The following TBC1D8 variants were observed in gnomAD, a reference collection of about 807,000 sequenced individuals.
TBC1D8 encodes the protein TBC1 domain family member 8.
TBC1D8 carries 65 observed loss-of-function variants against 118.8 expected under a neutral mutation model. That is an observed-to-expected ratio of 0.55 (90% CI 0.45 to 0.67). The LOEUF (loss-of-function observed/expected upper bound fraction) is 0.67. Ranked by LOEUF, TBC1D8 falls within the 30% of genes least tolerant of loss-of-function variation. The pLI, the probability that TBC1D8 is intolerant of heterozygous loss-of-function variation, is 0.00. For synonymous variants in TBC1D8, 566 were observed against 595.8 expected (o/e 0.95, Z 0.73); for missense variants, 1,376 against 1,471.2 (o/e 0.94, Z 1.06).
intron 1 of TBC1D8, among the ~76,000 whole-genome samples, chr2:101,138,364 C>G (rs934567912): frequency 6.6e-6 from 1 of 152,172 alleles, no homozygotes; most frequent in Non-Finnish European, 1.5e-5. Context: ...GGAGTTTTCC[C>G]ATACCAACCA....
rs13430503 is a variant in TBC1D8, at chr2:101,078,340, T to A, written c.283+11869A>T. On this transcript the variant is annotated intron_variant, in intron 2 of 19. Transcript: ENST00000409318. ...AAGAGACTTTAGAAACACAACCAAA[T>A]GGGTGTGCAGTTCTAGTTAGCTATG... 5.9e-3 allele frequency among the ~76,000 whole-genome samples: 905 copies of A among 152,230 alleles called. 11 individuals carry two copies. Among genetic ancestry groups the A allele is most frequent in the African/African-American group, 0.02 (836 of 41,516 alleles).
At chr2:101,134,324 A>G (rs1480911342) in intron 1 of TBC1D8, among the ~76,000 whole-genome samples, 1 of 152,058 alleles carries the variant, frequency 6.6e-6, no homozygotes, top group East Asian at 1.9e-4. Flanking sequence ...AGGCACCATC[A>G]ATACTAATCA....
intron 1 of TBC1D8, among the ~76,000 whole-genome samples, chr2:101,096,428 A>C (rs2105464050): frequency 6.8e-6 from 1 of 146,418 alleles, no homozygotes; most frequent in African/African-American, 2.6e-5. Flanking sequence ...ACAAAAAAAA[A>C]AAAAAAAAAA....
intron 19 of TBC1D8, among the ~76,000 whole-genome samples, chr2:101,010,606 C>T (rs185849347): frequency 6.8e-6 from 1 of 147,484 alleles, no homozygotes; most frequent in African/African-American, 2.5e-5. Context: ...AATTCTCGGT[C>T]GGGCGCGGTG....
At chr2:101,103,018 G>A (rs1318524789) in intron 1 of TBC1D8, among the ~76,000 whole-genome samples, 1 of 152,086 alleles carries the variant, frequency 6.6e-6, no homozygotes, top group Non-Finnish European at 1.5e-5. Context: ...ACAGTAAGGA[G>A]GCCAACGTTC....
intron 1 of TBC1D8, among the ~76,000 whole-genome samples, chr2:101,127,337 G>GAAA (rs529661320): frequency 8.2e-6 from 1 of 122,672 alleles, no homozygotes; most frequent in African/African-American, 3.0e-5. Flanking sequence ...CTTCATCTCA[G>GAAA]AAAAAAAAAA....
chr2:101,118,696 CAA>C (rs36069912), intron 1 of TBC1D8, among the ~76,000 whole-genome samples: 24 of 80,530 alleles, frequency 3.0e-4, no homozygotes, highest in Non-Finnish European at 1.7e-4. Flanking sequence ...AACTCCATCT[CAA>C]AAAAAAAAAA....
At chr2:101,056,043 T>C (rs1342330004) in intron 3 of TBC1D8, among the ~76,000 whole-genome samples, 3 of 105,716 alleles carry the variant, frequency 2.8e-5, no homozygotes, top group Non-Finnish European at 4.2e-5. Context: ...ACATTTCTCT[T>C]TTTTTTTTTT....
intron 1 of TBC1D8, among the ~76,000 whole-genome samples, chr2:101,095,734 G>T (rs994279712): frequency 1.3e-5 from 2 of 152,104 alleles, no homozygotes; most frequent in Non-Finnish European, 2.9e-5. Context: ...CCCAGCCAGA[G>T]AAGTATTTTC....
At chr2:101,013,419 T>C (rs1170990740) in intron 17 of TBC1D8, among the ~76,000 whole-genome samples, 2 of 152,224 alleles carry the variant, frequency 1.3e-5, no homozygotes, top group East Asian at 1.9e-4. Flanking sequence ...TTCCTATATA[T>C]ATGTAGCCTG....
chr2:101,137,344 G>A (rs372070903), intron 1 of TBC1D8, among the ~76,000 whole-genome samples: 2 of 146,234 alleles, frequency 1.4e-5, no homozygotes, highest in African/African-American at 5.1e-5. Flanking sequence ...ACGGAGTCTC[G>A]CACTCTCGCC....
intron 1 of TBC1D8, among the ~76,000 whole-genome samples, chr2:101,109,443 A>C (rs1302614771): frequency 6.6e-6 from 1 of 152,198 alleles, no homozygotes; most frequent in Non-Finnish European, 1.5e-5. Context: ...CAAACGGGTC[A>C]AAGACAAAAA....
chr2:101,087,477 A>G (rs1394801412), intron 2 of TBC1D8, among the ~76,000 whole-genome samples: 1 of 151,876 alleles, frequency 6.6e-6, no homozygotes, highest in African/African-American at 2.4e-5. Context: ...CCCTGTCTCT[A>G]CTAAAAATAC....
At chr2:101,052,031 C>G (rs1682106487) in intron 4 of TBC1D8, among the ~76,000 whole-genome samples, 4 of 152,248 alleles carry the variant, frequency 2.6e-5, no homozygotes, top group African/African-American at 9.6e-5. Flanking sequence ...AAGTTAACAA[C>G]ATATACCTTT....
chr2:101,058,215 A>C (rs1227763105), intron 3 of TBC1D8, among the ~76,000 whole-genome samples: 7 of 152,140 alleles, frequency 4.6e-5, no homozygotes, highest in Non-Finnish European at 1.0e-4. Flanking sequence ...GTATAACTCC[A>C]AGAAGACATT....
intron 1 of TBC1D8, chr2:101,110,027 G>A (rs1237248820): frequency 3.0e-6 from 3 of 985,054 alleles, no homozygotes; most frequent in South Asian, 4.7e-5. Flanking sequence ...GCGTCTCAGC[G>A]AGCACAACAC....
At chr2:101,054,066 G>T (rs765478854) in intron 4 of TBC1D8, 42 bp downstream of exon 4, 3 of 1,564,604 alleles carry the variant, frequency 1.9e-6, no homozygotes, top group Non-Finnish European at 2.6e-6. Context: ...TGAGTCCCTG[G>T]GGCCAACTTT....
At chr2:101,054,673 T>TC in intron 3 of TBC1D8, among the ~76,000 whole-genome samples, 1 of 22,902 alleles carries the variant, frequency 4.4e-5, no homozygotes. Context: ...TTTTCTTTTC[T>TC]TTTTTTTTTT....
chr2:101,096,880 C>T (rs139624819), intron 1 of TBC1D8, among the ~76,000 whole-genome samples: 8 of 151,630 alleles, frequency 5.3e-5, no homozygotes, highest in South Asian at 2.1e-4. Context: ...ACAAGATGTA[C>T]GTAATTGGAA....
Sources: allele counts gnomAD v4.1 joint callset (sites outside exome capture counted in the v4.1 genomes callset), GRCh38; gene constraint gnomAD v4.1.1; transcripts MANE v1.5; gene names NCBI Gene and HGNC (gene_info 2026-07-23, HGNC 2026-07-21).